The following DCC variants were observed in gnomAD, a reference collection of about 807,000 sequenced individuals.
DCC encodes netrin receptor DCC.
Under a neutral mutation model 172.5 loss-of-function variants are expected in DCC, and 58 were observed. The observed-to-expected ratio is 0.34, with a 90% CI of 0.27 to 0.42. DCC has a LOEUF of 0.42. DCC is among the 10% of genes least tolerant of loss of function. The pLI is 1.00. For missense variants in DCC, 1,740 were observed against 1,791.0 expected, an observed-to-expected ratio of 0.97 and a Z score of 0.51; for synonymous variants, 709 against 644.5, an observed-to-expected ratio of 1.10 and a Z score of -1.52.
chr18:53,126,672 C>G (rs1009742608), intron 7 of DCC, among the ~76,000 whole-genome samples: 2 of 152,124 alleles, frequency 1.3e-5, no homozygotes, highest in Non-Finnish European at 2.9e-5. Context: ...ATACGTATCA[C>G]TGAAAACTGT....
intron 2 of DCC, chr18:52,757,295 A>G (rs1441944964): frequency 6.6e-6 from 1 of 152,204 alleles, no homozygotes; most frequent in African/African-American, 2.4e-5. Context: ...ACTGAAAAAG[A>G]TTCACTGAAG....
intron 23 of DCC, among the ~76,000 whole-genome samples, chr18:53,457,340 T>C (rs2045495496): frequency 6.6e-6 from 1 of 152,240 alleles, no homozygotes; most frequent in African/African-American, 2.4e-5. Context: ...AAAGGCATGC[T>C]TGTAAGCAAG....
At chr18:53,209,829 G>A (rs115386918) in intron 11 of DCC, among the ~76,000 whole-genome samples, 48 of 152,308 alleles carry the variant, frequency 3.2e-4, no homozygotes, top group African/African-American at 9.9e-4. Flanking sequence ...ACTCTGAACT[G>A]TAATACTGTG....
chr18:52,838,860 T>C (rs1256594118), intron 2 of DCC, among the ~76,000 whole-genome samples: 1 of 152,000 alleles, frequency 6.6e-6, no homozygotes, highest in Non-Finnish European at 1.5e-5. Flanking sequence ...AAAATGGAAA[T>C]TGAGTTAGAA....
chr18:53,461,056 T>G (rs2045552935), intron 24 of DCC, among the ~76,000 whole-genome samples: 1 of 152,208 alleles, frequency 6.6e-6, no homozygotes, highest in Non-Finnish European at 1.5e-5. Context: ...TTTTCATGTG[T>G]TTTTTGGCTG....
intron 1 of DCC, among the ~76,000 whole-genome samples, chr18:52,614,009 C>T (rs1426427899): frequency 2.6e-5 from 4 of 152,030 alleles, no homozygotes; most frequent in Admixed American, 2.6e-4. Context: ...AAGCTCAGGG[C>T]AAAGGGATTC....
intron 1 of DCC, among the ~76,000 whole-genome samples, chr18:52,596,667 G>C (rs1368988689): frequency 6.6e-6 from 1 of 152,186 alleles, no homozygotes. Context: ...CTGAAAGACA[G>C]AATAGAACTA....
At chr18:52,899,665 C>T (rs1055845681) in intron 2 of DCC, among the ~76,000 whole-genome samples, 13 of 146,062 alleles carry the variant, frequency 8.9e-5, no homozygotes, top group Non-Finnish European at 1.4e-4. Flanking sequence ...TTAAAAACAA[C>T]TTTTTTTTTT....
chr18:52,759,251 G>C (rs367587497), intron 2 of DCC, among the ~76,000 whole-genome samples: 27 of 152,070 alleles, frequency 1.8e-4, no homozygotes, highest in Admixed American at 5.2e-4. Context: ...GGTTTTAGTT[G>C]CCTCCTTCCT....
intron 7 of DCC, among the ~76,000 whole-genome samples, chr18:53,140,224 A>G (rs185708134): frequency 6.1e-4 from 93 of 152,290 alleles, no homozygotes; most frequent in Middle Eastern, 6.8e-3. Context: ...TCTTGGTGAA[A>G]CAGATTTGCT....
intron 5 of DCC, among the ~76,000 whole-genome samples, chr18:53,048,334 T>C (rs1212171298): frequency 6.6e-6 from 1 of 151,864 alleles, no homozygotes; most frequent in Non-Finnish European, 1.5e-5. Context: ...TGTCCATGTG[T>C]TCTTGTTGTT....
intron 1 of DCC, among the ~76,000 whole-genome samples, chr18:52,618,909 T>C (rs2034431757): frequency 6.6e-6 from 1 of 152,116 alleles, no homozygotes; most frequent in African/African-American, 2.4e-5. Context: ...TAACTCTAAG[T>C]TTTTAGACTT....
chr18:53,277,430 T>C (rs2056818938), intron 12 of DCC, among the ~76,000 whole-genome samples: 1 of 152,174 alleles, frequency 6.6e-6, no homozygotes, highest in African/African-American at 2.4e-5. Context: ...AACCTGAGGA[T>C]TCCTCCAGCA....
At chr18:53,166,677 T>C (rs1445667470) in intron 8 of DCC, among the ~76,000 whole-genome samples, 1 of 152,176 alleles carries the variant, frequency 6.6e-6, no homozygotes. Flanking sequence ...AGCACATTTT[T>C]AAAAAGCTCA....
chr18:53,053,177 A>T (rs2042357425), intron 5 of DCC, among the ~76,000 whole-genome samples: 1 of 152,016 alleles, frequency 6.6e-6, no homozygotes. Context: ...AAACAAAACA[A>T]AACAACAGAA....
intron 1 of DCC, among the ~76,000 whole-genome samples, chr18:52,642,065 T>TACACA (rs2034913340): frequency 1.3e-4 from 1 of 7,516 alleles, no homozygotes; most frequent in African/African-American, 1.6e-4. Context: ...TGTGTGTGTA[T>TACACA]ATATATATAT....
At chr18:52,476,136 A>T (rs1351784092) in intron 1 of DCC, among the ~76,000 whole-genome samples, 2 of 152,174 alleles carry the variant, frequency 1.3e-5, no homozygotes, top group Non-Finnish European at 2.9e-5. Flanking sequence ...TGAAAATCAA[A>T]ATCTGTCCTC....
chr18:53,274,351 G>A (rs1228236914), intron 12 of DCC, among the ~76,000 whole-genome samples: 3 of 152,126 alleles, frequency 2.0e-5, no homozygotes, highest in Non-Finnish European at 4.4e-5. Flanking sequence ...TAGTCAAGTT[G>A]CACTTTTGCC....
At chr18:52,662,227 T>A (rs1258743241) in intron 1 of DCC, among the ~76,000 whole-genome samples, 1 of 152,162 alleles carries the variant, frequency 6.6e-6, no homozygotes, top group East Asian at 1.9e-4. Context: ...ACCGGATAGA[T>A]CCGATGCTAC....
Sources: allele counts gnomAD v4.1 joint callset (sites outside exome capture counted in the v4.1 genomes callset), GRCh38; gene constraint gnomAD v4.1.1; transcripts MANE v1.5; gene names NCBI Gene and HGNC (gene_info 2026-07-23, HGNC 2026-07-21).